The following PRKAR1B variants were observed in gnomAD, a reference collection of about 807,000 sequenced individuals.
PRKAR1B encodes cAMP-dependent protein kinase type I-beta regulatory subunit.
A neutral mutation model predicts 46.5 loss-of-function variants in PRKAR1B; 22 were observed. The observed-to-expected ratio is 0.47, with a 90% confidence interval of 0.34 to 0.68. The LOEUF (loss-of-function observed/expected upper bound fraction) is 0.68, where lower values mean the gene tolerates loss of function less well. Ranked by LOEUF, PRKAR1B falls within the 30% of genes least tolerant of loss-of-function variation. PRKAR1B has a pLI of 0.01. For synonymous variants in PRKAR1B, 259 were observed against 217.7 expected (o/e 1.19, Z -1.67); for missense variants, 445 against 535.6 (o/e 0.83, Z 1.67).
At chr7:709,618 C>T (rs956057441) in intron 2 of PRKAR1B, among the ~76,000 whole-genome samples, 1 of 152,134 alleles carries the variant, frequency 6.6e-6, no homozygotes, top group Non-Finnish European at 1.5e-5. Flanking sequence ...GATCTGCCCA[C>T]CTCAGCCTCC....
In PRKAR1B at chr7:706,422, A is replaced by ATTTTTTTTTTTTTTTT. The variant is rs33963335; in HGVS notation, c.177+4891_177+4906dup. ...GCTGTGTTTTGCCATCAAATAAGGA[A>ATTTTTTTTTTTTTTTT]TTTTTTTTTTTTTTTTTTTGAGACG... On this transcript the variant is annotated intron_variant, in intron 2 of 10. Transcript: ENST00000537384. Among the ~76,000 whole-genome samples, 192 of 102,302 alleles carry ATTTTTTTTTTTTTTTT rather than the reference A, an allele frequency of 1.9e-3. 25 individuals are homozygous for ATTTTTTTTTTTTTTTT. Among genetic ancestry groups the ATTTTTTTTTTTTTTTT allele is most frequent in the African/African-American group, 2.9e-3 (75 of 25,850 alleles). 67.1% of individuals were successfully genotyped at this position (102,302 alleles called of 152,430 possible).
At chr7:629,637 A>G (rs71518332) in intron 4 of PRKAR1B, among the ~76,000 whole-genome samples, 13 of 52,382 alleles carry the variant, frequency 2.5e-4, no homozygotes, top group African/African-American at 2.5e-4. Flanking sequence ...CACCACCCCA[A>G]GGCTGGAAAA....
At chr7:660,318 C>G (rs1785438005) in intron 4 of PRKAR1B, among the ~76,000 whole-genome samples, 1 of 152,054 alleles carries the variant, frequency 6.6e-6, no homozygotes, top group Non-Finnish European at 1.5e-5. Context: ...TGCCTCTCGA[C>G]ACCTCCCCGG....
intron 2 of PRKAR1B, among the ~76,000 whole-genome samples, chr7:685,270 G>GTATATATATATATACA (rs1554303084): frequency 2.8e-4 from 7 of 24,856 alleles, no homozygotes; most frequent in African/African-American, 1.1e-3. Context: ...ACATATATAC[G>GTATATATATATATACA]TATATATACG....
intron 8 of PRKAR1B, among the ~76,000 whole-genome samples, chr7:580,651 T>C (rs570793724): frequency 6.6e-6 from 1 of 151,840 alleles, no homozygotes; most frequent in East Asian, 1.9e-4. Context: ...TCCCTGTCTT[T>C]ATTCATCCCT....
In PRKAR1B at chr7:666,623, C is replaced by A. The variant is rs1434858721; in HGVS notation, c.440+10606G>T. Among the ~76,000 whole-genome samples, 2 of 152,238 alleles carry A rather than the reference C, an allele frequency of 1.3e-5. No homozygotes were observed. Among genetic ancestry groups the A allele is most frequent in the Non-Finnish European group, 2.9e-5 (2 of 68,038 alleles). On this transcript the variant is annotated intron_variant, in intron 4 of 10. Coordinates refer to ENST00000537384, the MANE Select transcript of PRKAR1B (RefSeq NM_001164760.2). The surrounding 1 kb of genome is among the most constrained non-coding windows in gnomAD (Gnocchi z 4.9). ...AGTGCAACAGGCCAAGGCCCCCTCT[C>A]ACTGGGTCTCAGAGCTCTGTTCAGT...
chr7:605,467 G>A (rs1360371071), intron 6 of PRKAR1B, among the ~76,000 whole-genome samples: 1 of 152,224 alleles, frequency 6.6e-6, no homozygotes, highest in Non-Finnish European at 1.5e-5. Flanking sequence ...GAGGCTCTGG[G>A]CAAGACTGGG....
At chr7:631,552 C>T (rs1783740947) in intron 4 of PRKAR1B, among the ~76,000 whole-genome samples, 2 of 152,204 alleles carry the variant, frequency 1.3e-5, no homozygotes, top group South Asian at 2.1e-4. Flanking sequence ...GGAGAAAACA[C>T]GGCCCCACAA....
intron 9 of PRKAR1B, among the ~76,000 whole-genome samples, chr7:559,386 G>A (rs1163568092): frequency 1.3e-5 from 2 of 152,210 alleles, no homozygotes; most frequent in Non-Finnish European, 2.9e-5. Context: ...GGCTGGAGCA[G>A]GGGGCAGGGC....
intron 6 of PRKAR1B, among the ~76,000 whole-genome samples, chr7:598,243 C>T (rs760227272): frequency 0.05 from 6,505 of 131,136 alleles, 79 homozygotes; most frequent in East Asian, 0.059. Flanking sequence ...CCACACTAAA[C>T]ACCATCACCC....
rs1383550714 is a variant in PRKAR1B at position 615,701 on chromosome 7, G to A, written c.441-8249C>T. Among the ~76,000 whole-genome samples the A allele has an allele frequency of 2.7e-5, 4 of 150,090 alleles. No homozygotes were observed. The South Asian group carries it at 6.3e-4, about 24-fold the overall frequency. On this transcript the variant is annotated intron_variant, in intron 4 of 10. Coordinates refer to ENST00000537384, the MANE Select transcript of PRKAR1B (RefSeq NM_001164760.2). ...AAATTAGCCGGGCGTGGTGGCAGGCGCCTGTAGTCCCAGCTACTCGGGAGG... is the reference window on the plus strand; with the variant it reads ...AAATTAGCCGGGCGTGGTGGCAGGCACCTGTAGTCCCAGCTACTCGGGAGG...
chr7:642,642 G>A (rs1435054583), intron 4 of PRKAR1B, among the ~76,000 whole-genome samples: 2 of 150,782 alleles, frequency 1.3e-5, no homozygotes, highest in Non-Finnish European at 3.0e-5. Flanking sequence ...GGAGAATGGC[G>A]TGAACCCGGG....
At chr7:590,218 G>C (rs1426776327) in intron 7 of PRKAR1B, among the ~76,000 whole-genome samples, 4 of 152,216 alleles carry the variant, frequency 2.6e-5, no homozygotes, top group Admixed American at 2.6e-4. Flanking sequence ...CCCAGCAAAG[G>C]GTGTGAAACC....
rs1438573503 is a variant in PRKAR1B, at chr7:644,185, C to T, written c.440+33044G>A. Among the ~76,000 whole-genome samples the T allele has an allele frequency of 6.6e-6, 1 of 152,134 alleles. No homozygotes were observed. The highest frequency in any genetic ancestry group is 2.4e-5 in the African/African-American group (1 of 41,414). The stretch of plus-strand genomic sequence containing the variant: ...TACACAGGCAGGCAGCACAGGGCAC[C>T]GACAGGCGGGATGTTCAACCTGCGT... On this transcript the variant is annotated intron_variant, in intron 4 of 10. Coordinates refer to ENST00000537384, the MANE Select transcript of PRKAR1B (RefSeq NM_001164760.2). This position sits in a 1 kb window ranked among gnomAD's most constrained non-coding sequence, Gnocchi z 4.9.
intron 8 of PRKAR1B, among the ~76,000 whole-genome samples, chr7:580,253 AG>A (rs2128443217): frequency 6.6e-6 from 1 of 151,154 alleles, no homozygotes; most frequent in Non-Finnish European, 1.5e-5. Flanking sequence ...AAAAGAAAAA[AG>A]AAAAAAACAG....
intron 2 of PRKAR1B, among the ~76,000 whole-genome samples, chr7:683,615 G>T (rs1359949390): frequency 6.6e-6 from 1 of 152,240 alleles, no homozygotes; most frequent in East Asian, 1.9e-4. Flanking sequence ...CATCCATCCT[G>T]TGGGTGGTGG....
At chr7:661,209 T>C (rs1233987297) in intron 4 of PRKAR1B, among the ~76,000 whole-genome samples, 18 of 56,354 alleles carry the variant, frequency 3.2e-4, no homozygotes, top group Admixed American at 4.3e-4. Context: ...ACTCTTTCCC[T>C]CCATGGCACA....
chr7:606,877 TACAC>T (rs201250426), intron 5 of PRKAR1B, among the ~76,000 whole-genome samples: 6 of 152,026 alleles, frequency 3.9e-5, no homozygotes, highest in African/African-American at 1.5e-4. Flanking sequence ...ATCTATTTTA[TACAC>T]ACACATATGT....
chr7:606,030 T>C (rs976164252), intron 6 of PRKAR1B, among the ~76,000 whole-genome samples, 163 bp downstream of exon 6: 4 of 152,230 alleles, frequency 2.6e-5, no homozygotes, highest in Non-Finnish European at 4.4e-5. Flanking sequence ...CATATTCCCA[T>C]ATTCTCTTCC....
Sources: gnomAD v4.1 joint callset for allele counts (sites outside exome capture counted in the v4.1 genomes callset) on GRCh38, gnomAD v4.1.1 for gene constraint, Gnocchi (gnomAD v3.1) non-coding constraint, MANE v1.5 for transcripts, NCBI Gene and HGNC (gene_info 2026-07-23, HGNC 2026-07-21) for gene names.